The following NTM variants were observed in gnomAD, a reference collection of about 807,000 sequenced individuals.
NTM encodes neurotrimin, also known as IgLON family member 2.
Under a neutral mutation model 42.1 loss-of-function variants are expected in NTM, and 13 were observed. The ratio of observed to expected loss-of-function variants is 0.31; its 90% CI spans 0.20 to 0.49. The LOEUF is 0.49. NTM is among the 20% of genes least tolerant of loss of function. NTM has a pLI of 0.99. For missense variants in NTM, 373 were observed against 452.8 expected, an observed-to-expected ratio of 0.82 and a Z score of 1.60; for synonymous variants, 187 against 179.2, an observed-to-expected ratio of 1.04 and a Z score of -0.35.
chr11:131,884,718 A>C (rs768924850), intron 1 of NTM, among the ~76,000 whole-genome samples: 1 of 152,204 alleles, frequency 6.6e-6, no homozygotes, highest in Non-Finnish European at 1.5e-5. Context: ...ATTCGGGAAG[A>C]GGCTCGCCAT....
chr11:131,941,655 A>C (rs905456673), intron 2 of NTM, among the ~76,000 whole-genome samples: 1 of 152,244 alleles, frequency 6.6e-6, no homozygotes, highest in Non-Finnish European at 1.5e-5. Flanking sequence ...GACTCCTACC[A>C]CAAGCCCGTG....
chr11:131,416,806 A>G (rs1947005292), intron 1 of NTM, among the ~76,000 whole-genome samples: 1 of 152,236 alleles, frequency 6.6e-6, no homozygotes, highest in Non-Finnish European at 1.5e-5. Context: ...TTTGAATTAA[A>G]GAGTGGGTTG....
intron 4 of NTM, among the ~76,000 whole-genome samples, chr11:132,212,520 C>T (rs545655852): frequency 3.9e-5 from 6 of 152,278 alleles, no homozygotes; most frequent in East Asian, 3.9e-4. Context: ...TGGGTGAGAG[C>T]TTTAAATGGC....
intron 1 of NTM, among the ~76,000 whole-genome samples, chr11:131,632,529 C>G (rs1592292642): frequency 6.6e-6 from 1 of 152,078 alleles, no homozygotes; most frequent in Admixed American, 6.6e-5. Flanking sequence ...TTCACCTTAG[C>G]TTTTCTTCCA....
chr11:131,621,391 T>G, intron 1 of NTM, among the ~76,000 whole-genome samples: 1 of 152,182 alleles, frequency 6.6e-6, no homozygotes, highest in East Asian at 1.9e-4. Context: ...CCTGGGGGCA[T>G]CTCCGGAGAA....
chr11:131,600,869 A>G (rs150519581), intron 1 of NTM, among the ~76,000 whole-genome samples: 1 of 152,062 alleles, frequency 6.6e-6, no homozygotes, highest in Non-Finnish European at 1.5e-5. Flanking sequence ...ATATGAAACC[A>G]GGAGTTACTT....
chr11:131,373,839 G>T (rs1425447292), intron 1 of NTM, among the ~76,000 whole-genome samples: 1 of 152,094 alleles, frequency 6.6e-6, no homozygotes, highest in East Asian at 1.9e-4. Flanking sequence ...TCCCGCATCC[G>T]CTTAGCAGCT....
At chr11:131,898,932 C>T (rs1380727657) in intron 1 of NTM, among the ~76,000 whole-genome samples, 1 of 152,178 alleles carries the variant, frequency 6.6e-6, no homozygotes, top group Non-Finnish European at 1.5e-5. Flanking sequence ...GGGATGATTG[C>T]TGTCACCATT....
intron 1 of NTM, among the ~76,000 whole-genome samples, chr11:131,879,245 G>A (rs2049084176): frequency 6.6e-6 from 1 of 152,100 alleles, no homozygotes; most frequent in Non-Finnish European, 1.5e-5. Context: ...TCCCAGGGGT[G>A]CATCTGGGTG....
At chr11:131,501,521 A>G (rs2046828170) in intron 1 of NTM, among the ~76,000 whole-genome samples, 1 of 152,184 alleles carries the variant, frequency 6.6e-6, no homozygotes, top group Non-Finnish European at 1.5e-5. Context: ...TTCTGAGCAT[A>G]CTGGGAGCTA....
At chr11:131,985,938 C>T (rs955692729) in intron 2 of NTM, among the ~76,000 whole-genome samples, 13 of 152,172 alleles carry the variant, frequency 8.5e-5, no homozygotes, top group African/African-American at 3.1e-4. Flanking sequence ...GCTCTGTTCA[C>T]CTCCCTCCGC....
chr11:131,790,375 T>G (rs1041333370), intron 1 of NTM, among the ~76,000 whole-genome samples: 1 of 152,072 alleles, frequency 6.6e-6, no homozygotes, highest in African/African-American at 2.4e-5. Context: ...TAATCTATTA[T>G]TTTTCTTCAA....
chr11:131,480,131 C>CTTTTTTTTTTTTTTTTTTTTCT (rs55747636), intron 1 of NTM, among the ~76,000 whole-genome samples: 1 of 134,478 alleles, frequency 7.4e-6, no homozygotes, highest in Non-Finnish European at 1.6e-5. Context: ...ATCTTGATTA[C>CTTTTTTTTTTTTTTTTTTTTCT]TTTTTTTTTT....
chr11:132,005,599 C>T (rs1243467853), intron 2 of NTM, among the ~76,000 whole-genome samples: 1 of 152,186 alleles, frequency 6.6e-6, no homozygotes, highest in African/African-American at 2.4e-5. Flanking sequence ...TTATGTATTA[C>T]TCCTGACAGA....
chr11:131,376,524 A>T (rs1323351937), intron 1 of NTM, among the ~76,000 whole-genome samples: 2 of 152,206 alleles, frequency 1.3e-5, no homozygotes, highest in African/African-American at 4.8e-5. Context: ...TCATTTGCAA[A>T]CTGCAAAACA....
At chr11:131,772,283 G>T (rs113962695) in intron 1 of NTM, among the ~76,000 whole-genome samples, 1,992 of 152,200 alleles carry the variant, frequency 0.013, 46 homozygotes, top group African/African-American at 0.042. Context: ...TAGTCCATCC[G>T]CCTACCCCTG....
intron 2 of NTM, among the ~76,000 whole-genome samples, chr11:131,927,514 G>C (rs184745303): frequency 6.6e-6 from 1 of 152,312 alleles, no homozygotes; most frequent in Admixed American, 6.5e-5. Flanking sequence ...AATGGATGCA[G>C]CTTTGTCTTT....
intron 2 of NTM, among the ~76,000 whole-genome samples, chr11:132,123,657 C>CCT (rs1270784003): frequency 6.6e-6 from 1 of 152,172 alleles, no homozygotes; most frequent in Non-Finnish European, 1.5e-5. Flanking sequence ...CCAACAGGTG[C>CCT]CTGAGTACCT....
chr11:131,679,251 A>G (rs929128212), intron 1 of NTM, among the ~76,000 whole-genome samples: 1 of 152,102 alleles, frequency 6.6e-6, no homozygotes, highest in African/African-American at 2.4e-5. Flanking sequence ...TTGAGTCCAG[A>G]TAGCCTCCAT....
Sources: allele counts gnomAD v4.1 joint callset (sites outside exome capture counted in the v4.1 genomes callset), GRCh38; gene constraint gnomAD v4.1.1; transcripts MANE v1.5; gene names NCBI Gene and HGNC (gene_info 2026-07-23, HGNC 2026-07-21).